Variants in ROR2 observed in about 807,000 individuals in gnomAD.
ROR2 encodes tyrosine-protein kinase transmembrane receptor ROR2.
A neutral mutation model predicts 74.9 loss-of-function variants in ROR2; 33 were observed. The observed-to-expected ratio is 0.44, with a 90% CI of 0.33 to 0.59. ROR2 has a LOEUF of 0.59. Among genes scored for constraint, ROR2 ranks in the 20% least tolerant of loss-of-function variants. ROR2 has a pLI of 0.02. For missense variants in ROR2, 1,216 were observed against 1,313.8 expected (o/e 0.93, Z 1.15); for synonymous variants, 586 against 558.7 (o/e 1.05, Z -0.69).
In ROR2 at chr9:91,813,140, G is replaced by A. The variant is rs73651557; in HGVS notation, c.98-37322C>T. On this transcript the variant is annotated intron_variant, in intron 1 of 8. Transcript: ENST00000375708. ...TTTAGAAAAAAAAAATAAAAATTCT[G>A]GCAGGTGCTGCCCCCTCAAGATTAA... 3.9e-3 allele frequency among the ~76,000 whole-genome samples: 599 copies of A among 152,102 alleles called. 3 individuals are homozygous for A. Among genetic ancestry groups the A allele is most frequent in the African/African-American group, 0.014 (572 of 41,482 alleles).
chr9:91,857,333 G>A (rs549406890), intron 1 of ROR2, among the ~76,000 whole-genome samples: 6 of 152,310 alleles, frequency 3.9e-5, no homozygotes, highest in Admixed American at 6.5e-5. Flanking sequence ...CTGGGCAGGC[G>A]GTGGGGCCTC....
intron 1 of ROR2, among the ~76,000 whole-genome samples, chr9:91,834,270 G>A (rs527929602): frequency 4.2e-4 from 64 of 152,280 alleles, no homozygotes; most frequent in Admixed American, 9.8e-4. Flanking sequence ...AGCCCCAGCT[G>A]TGTTTCATCT....
At chr9:91,893,972 C>T (rs1830481729) in intron 1 of ROR2, among the ~76,000 whole-genome samples, 1 of 152,204 alleles carries the variant, frequency 6.6e-6, no homozygotes, top group Non-Finnish European at 1.5e-5. Context: ...ACTCTGTACC[C>T]ATCAGAGGGT....
chr9:91,844,138 T>C (rs902386991), intron 1 of ROR2, among the ~76,000 whole-genome samples: 2 of 152,230 alleles, frequency 1.3e-5, no homozygotes, highest in Admixed American at 6.5e-5. Flanking sequence ...AATCAGAATG[T>C]GTTTTCCTAT....
intron 1 of ROR2, among the ~76,000 whole-genome samples, chr9:91,908,669 C>T (rs551288362): frequency 6.6e-6 from 1 of 152,270 alleles, no homozygotes; most frequent in South Asian, 2.1e-4. Context: ...CATCCCTCTA[C>T]TGGTAATTCA....
At chr9:91,804,395 G>T (rs1465008517) in intron 1 of ROR2, among the ~76,000 whole-genome samples, 9 of 152,194 alleles carry the variant, frequency 5.9e-5, no homozygotes, top group Admixed American at 5.9e-4. Context: ...AGGCCACAAA[G>T]CCACCCTTGG....
intron 4 of ROR2, among the ~76,000 whole-genome samples, chr9:91,741,891 A>C (rs576231012): frequency 6.6e-6 from 1 of 152,246 alleles, no homozygotes; most frequent in East Asian, 1.9e-4. Context: ...CATACAAACC[A>C]TGATGTCCAC....
chr9:91,783,947 C>G (rs1272451521), intron 1 of ROR2, among the ~76,000 whole-genome samples: 6 of 152,294 alleles, frequency 3.9e-5, no homozygotes, highest in African/African-American at 1.4e-4. Context: ...CCTCTCTTTC[C>G]ATCCTGACTC....
intron 1 of ROR2, among the ~76,000 whole-genome samples, chr9:91,842,686 T>G (rs1828818876): frequency 6.6e-6 from 1 of 152,232 alleles, no homozygotes; most frequent in East Asian, 1.9e-4. Context: ...GTATCTTAAT[T>G]CCACCTCTGG....
chr9:91,739,210 T>C (rs1825136003), intron 4 of ROR2, among the ~76,000 whole-genome samples: 1 of 152,132 alleles, frequency 6.6e-6, no homozygotes, highest in Non-Finnish European at 1.5e-5. Flanking sequence ...GAAATCTGAA[T>C]TCTGTTCAAT....
At chr9:91,738,561 A>G (rs763813364) in intron 4 of ROR2, among the ~76,000 whole-genome samples, 3 of 152,216 alleles carry the variant, frequency 2.0e-5, no homozygotes, top group Non-Finnish European at 4.4e-5. Context: ...TATGATAACG[A>G]TGACAATCCA....
rs569656538 is a variant in ROR2 at position 91,885,778 on chromosome 9, A to G, written c.97+64089T>C. 2.0e-5 allele frequency among the ~76,000 whole-genome samples: 3 copies of G among 152,312 alleles called. No homozygotes were observed. The South Asian group carries it at 6.2e-4, about 32-fold the overall frequency. On this transcript the variant is annotated intron_variant, in intron 1 of 8. Transcript: ENST00000375708. ...CTAAATCCTGTTGAATAACACACAA[A>G]ATAAAACAAAACTCATGAAATAAAC...
At chr9:91,904,043 T>C (rs1042360578) in intron 1 of ROR2, among the ~76,000 whole-genome samples, 6 of 116,432 alleles carry the variant, frequency 5.2e-5, no homozygotes, top group African/African-American at 1.3e-4. Flanking sequence ...TTTGTTTTTG[T>C]TTTTTTTTGG....
chr9:91,917,681 T>C (rs1284457407), intron 1 of ROR2, among the ~76,000 whole-genome samples: 2 of 152,178 alleles, frequency 1.3e-5, no homozygotes, highest in East Asian at 1.9e-4. Flanking sequence ...AAAACCAGCG[T>C]ACCTGGTGTA....
intron 1 of ROR2, among the ~76,000 whole-genome samples, chr9:91,844,499 T>C (rs1323636135): frequency 1.3e-5 from 2 of 152,216 alleles, no homozygotes; most frequent in Non-Finnish European, 1.5e-5. Flanking sequence ...TCAGGCTCTC[T>C]CTGTGTCTGA....
intron 1 of ROR2, among the ~76,000 whole-genome samples, chr9:91,823,728 A>G (rs146177427): frequency 6.6e-6 from 1 of 152,314 alleles, no homozygotes; most frequent in East Asian, 1.9e-4. Flanking sequence ...TTTTGTGCAT[A>G]TTTGAAAACT....
chr9:91,729,420 C>T (rs1420806985), intron 7 of ROR2, among the ~76,000 whole-genome samples: 1 of 152,176 alleles, frequency 6.6e-6, no homozygotes, highest in East Asian at 1.9e-4. Flanking sequence ...ATTTGTTCTC[C>T]CATAATGAAC....
intron 1 of ROR2, among the ~76,000 whole-genome samples, chr9:91,916,235 T>G (rs1361024634): frequency 6.6e-6 from 1 of 152,262 alleles, no homozygotes; most frequent in Non-Finnish European, 1.5e-5. Flanking sequence ...TTTTGTGTTC[T>G]TGCTAGGAGC....
At chr9:91,881,653 C>T (rs1394395037) in intron 1 of ROR2, among the ~76,000 whole-genome samples, 1 of 152,026 alleles carries the variant, frequency 6.6e-6, no homozygotes, top group Non-Finnish European at 1.5e-5. Flanking sequence ...TACTGACATA[C>T]ATGTATTAAT....
Sources: allele counts gnomAD v4.1 joint callset (sites outside exome capture counted in the v4.1 genomes callset), GRCh38; gene constraint gnomAD v4.1.1; transcripts MANE v1.5; gene names NCBI Gene and HGNC (gene_info 2026-07-23, HGNC 2026-07-21).